The following LRGUK variants were observed in gnomAD, a reference collection of about 807,000 sequenced individuals.
LRGUK encodes leucine-rich repeat and guanylate kinase domain-containing protein.
Under a neutral mutation model 76.0 loss-of-function variants are expected in LRGUK, and 65 were observed. That is an observed-to-expected ratio of 0.85 (90% CI 0.70 to 1.05). LRGUK has a LOEUF of 1.05. LRGUK is among the 50% of genes least tolerant of loss of function. The probability of loss-of-function intolerance (pLI) is 0.00; values close to 1 mark genes in which losing one functional copy is unlikely to be tolerated. For missense variants in LRGUK, 758 were observed against 732.8 expected (o/e 1.03, Z -0.40); for synonymous variants, 268 against 265.6 (o/e 1.01, Z -0.09).
chr7:134,270,654 CT>C, the LRGUK span, among the ~76,000 whole-genome samples: 1 of 152,018 alleles, frequency 6.6e-6, no homozygotes, highest in African/African-American at 2.4e-5. Context: ...CAGCAATTAA[CT>C]TTTTTCTCAA....
chr7:134,265,302 G>T (rs557497127), downstream of LRGUK, among the ~76,000 whole-genome samples: 1 of 152,242 alleles, frequency 6.6e-6, no homozygotes, highest in East Asian at 1.9e-4. Flanking sequence ...ACATTTCCTG[G>T]TTTTTCTCAC....
chr7:134,143,506 T>G (rs1277482901), intron 4 of LRGUK, among the ~76,000 whole-genome samples: 1 of 152,188 alleles, frequency 6.6e-6, no homozygotes, highest in Non-Finnish European at 1.5e-5. Context: ...TTGGTACATT[T>G]TATTTATTTA....
chr7:134,247,605 T>A (rs34904752), exon 17 of LRGUK: 3 of 1,613,786 alleles, frequency 1.9e-6, no homozygotes, highest in Non-Finnish European at 2.5e-6. Context: ...CAAGCTCTAA[T>A]GGGAAGGATA....
intron 7 of LRGUK, among the ~76,000 whole-genome samples, chr7:134,167,371 CT>C (rs958054480): frequency 5.9e-5 from 9 of 152,208 alleles, no homozygotes; most frequent in African/African-American, 1.4e-4. Flanking sequence ...CCCTTTGCCC[CT>C]GACCCCTTTC....
At chr7:134,204,415 C>T (rs919969758) in intron 15 of LRGUK, among the ~76,000 whole-genome samples, 1 of 152,174 alleles carries the variant, frequency 6.6e-6, no homozygotes, top group Non-Finnish European at 1.5e-5. Flanking sequence ...AATGTTTTAG[C>T]TTTCAGTTAC....
exon 16 of LRGUK, chr7:134,209,157 C>T (rs980677406): frequency 2.5e-6 from 1 of 399,430 alleles, no homozygotes; most frequent in Non-Finnish European, 4.4e-6. Context: ...CCTCCCTCGT[C>T]CCGCAGCCCT....
intron 1 of LRGUK, among the ~76,000 whole-genome samples, chr7:134,130,615 A>G: frequency 6.6e-6 from 1 of 152,238 alleles, no homozygotes; most frequent in Non-Finnish European, 1.5e-5. Context: ...TTGGAAATTC[A>G]TGTTCAGTGA....
intron 18 of LRGUK, among the ~76,000 whole-genome samples, chr7:134,256,191 C>T (rs1263068183): frequency 6.6e-6 from 1 of 152,118 alleles, no homozygotes; most frequent in Non-Finnish European, 1.5e-5. Context: ...GGTGTGGTGG[C>T]ACATGCCTGT....
At chr7:134,251,052 T>C (rs1802431253) in intron 18 of LRGUK, among the ~76,000 whole-genome samples, 1 of 152,206 alleles carries the variant, frequency 6.6e-6, no homozygotes, top group African/African-American at 2.4e-5. Context: ...GTGTGTCTTA[T>C]ATGCAGACAT....
intron 2 of LRGUK, among the ~76,000 whole-genome samples, chr7:134,137,595 C>T (rs1797589111): frequency 1.6e-5 from 1 of 62,112 alleles, no homozygotes; most frequent in African/African-American, 5.9e-5. Flanking sequence ...CCAAAAGATA[C>T]CTATCATTAA....
chr7:134,209,657 A>T (rs1801162050), exon 16 of LRGUK: 3 of 399,094 alleles, frequency 7.5e-6, no homozygotes, highest in Non-Finnish European at 1.3e-5. Context: ...CCATCAAACC[A>T]TGACGGTCTC....
At chr7:134,174,483 C>T (rs1799398958) in intron 7 of LRGUK, 73 bp from the exon 8 acceptor site, 1 of 921,400 alleles carries the variant, frequency 1.1e-6, no homozygotes, top group South Asian at 1.5e-5. Flanking sequence ...CCCAAACTGG[C>T]TTCTATTGTA....
downstream of LRGUK, among the ~76,000 whole-genome samples, chr7:134,267,655 C>G (rs1802879520): frequency 6.6e-6 from 1 of 152,178 alleles, no homozygotes; most frequent in Non-Finnish European, 1.5e-5. Flanking sequence ...GTAAGACGTG[C>G]CTTTAGCCTT....
chr7:134,175,478 G>T (rs1339581213), intron 8 of LRGUK, among the ~76,000 whole-genome samples: 1 of 152,318 alleles, frequency 6.6e-6, no homozygotes, highest in Non-Finnish European at 1.5e-5. Flanking sequence ...AAAGTAAGAG[G>T]CAGGGCTTAA....
intron 14 of LRGUK, among the ~76,000 whole-genome samples, chr7:134,200,007 TA>T (rs1212338945): frequency 2.3e-5 from 3 of 129,958 alleles, no homozygotes; most frequent in Non-Finnish European, 4.9e-5. Context: ...TATATATATA[TA>T]TATATATATA....
chr7:134,213,559 A>G (rs1801352429), downstream of LRGUK, among the ~76,000 whole-genome samples: 2 of 152,052 alleles, frequency 1.3e-5, no homozygotes, highest in African/African-American at 4.8e-5. Context: ...GAAATGTATA[A>G]TTTTCCTCTT....
chr7:134,204,176 T>C (rs1800908027), intron 15 of LRGUK, among the ~76,000 whole-genome samples: 1 of 152,204 alleles, frequency 6.6e-6, no homozygotes, highest in Non-Finnish European at 1.5e-5. Context: ...AACAAGACTT[T>C]GCCTCAACAG....
chr7:134,253,696 T>A (rs1220531274), intron 18 of LRGUK, among the ~76,000 whole-genome samples: 1 of 152,108 alleles, frequency 6.6e-6, no homozygotes, highest in East Asian at 1.9e-4. Flanking sequence ...ACACCTGTAG[T>A]CCCAGTTACT....
chr7:134,156,717 C>T (rs146321006), intron 5 of LRGUK, among the ~76,000 whole-genome samples: 9 of 152,180 alleles, frequency 5.9e-5, no homozygotes, highest in Non-Finnish European at 8.8e-5. Context: ...TTAATTGAAA[C>T]ATGATATTCA....
Sources: allele counts gnomAD v4.1 joint callset (sites outside exome capture counted in the v4.1 genomes callset), GRCh38; gene constraint gnomAD v4.1.1; transcripts MANE v1.5; gene names NCBI Gene and HGNC (gene_info 2026-07-23, HGNC 2026-07-21).